The following PPARGC1A variants were observed in gnomAD, a reference collection of about 807,000 sequenced individuals.
The protein encoded by PPARGC1A is peroxisome proliferator-activated receptor gamma coactivator 1-alpha.
Under a neutral mutation model 88.7 loss-of-function variants are expected in PPARGC1A, and 25 were observed. The observed-to-expected ratio is 0.28, with a 90% confidence interval of 0.21 to 0.39. The LOEUF (loss-of-function observed/expected upper bound fraction) is 0.39. Among genes scored for constraint, PPARGC1A ranks in the 10% least tolerant of loss-of-function variants. PPARGC1A has a pLI of 1.00. For missense variants in PPARGC1A, 880 were observed against 968.7 expected, an observed-to-expected ratio of 0.91 and a Z score of 1.22; for synonymous variants, 363 against 355.6, an observed-to-expected ratio of 1.02 and a Z score of -0.24.
chr4:24,359,097 A>G, the PPARGC1A span, among the ~76,000 whole-genome samples: 1 of 152,198 alleles, frequency 6.6e-6, no homozygotes, highest in Admixed American at 6.5e-5. Context: ...CACCGTCTTT[A>G]TTTAGCAATC....
At chr4:24,301,105 T>A in the PPARGC1A span, among the ~76,000 whole-genome samples, 3 of 152,196 alleles carry the variant, frequency 2.0e-5, no homozygotes, top group African/African-American at 7.2e-5. Flanking sequence ...AAATTCAGCA[T>A]GTATAAAGGA....
the PPARGC1A span, among the ~76,000 whole-genome samples, chr4:24,109,561 A>C: frequency 6.6e-6 from 1 of 152,126 alleles, no homozygotes; most frequent in South Asian, 2.1e-4. Flanking sequence ...TTTCATATCT[A>C]TTCATTCCCA....
the PPARGC1A span, chr4:24,258,347 C>T: frequency 6.0e-5 from 14 of 234,108 alleles, no homozygotes; most frequent in South Asian, 9.3e-4. Context: ...TTAAATTATT[C>T]GTCCATTATG....
chr4:24,197,908 C>T, the PPARGC1A span, among the ~76,000 whole-genome samples: 1 of 152,146 alleles, frequency 6.6e-6, no homozygotes, highest in East Asian at 1.9e-4. Context: ...GAAAACATTG[C>T]TAGGTAGGAG....
At chr4:23,832,662 T>G (rs1577436266) in intron 2 of PPARGC1A, among the ~76,000 whole-genome samples, 1 of 149,874 alleles carries the variant, frequency 6.7e-6, no homozygotes, top group South Asian at 2.1e-4. Context: ...CAGACTGGAG[T>G]GCAGTGGCGC....
intron 2 of PPARGC1A, among the ~76,000 whole-genome samples, chr4:23,866,651 C>T (rs1712062023): frequency 6.6e-6 from 1 of 152,162 alleles, no homozygotes; most frequent in Admixed American, 6.5e-5. Flanking sequence ...CTTACAGGAG[C>T]TTACCCTTGA....
the PPARGC1A span, among the ~76,000 whole-genome samples, chr4:24,319,637 T>C: frequency 6.6e-6 from 1 of 152,136 alleles, no homozygotes; most frequent in Non-Finnish European, 1.5e-5. Context: ...CTGTAGACAC[T>C]GTTTTCCCCA....
At chr4:23,832,606 C>CTT (rs370736289) in intron 2 of PPARGC1A, among the ~76,000 whole-genome samples, 3 of 146,572 alleles carry the variant, frequency 2.0e-5, no homozygotes, top group African/African-American at 7.7e-5. Flanking sequence ...TTTTCTTTTT[C>CTT]TTTTTCTTTT....
At chr4:24,291,474 C>A in the PPARGC1A span, among the ~76,000 whole-genome samples, 1 of 151,992 alleles carries the variant, frequency 6.6e-6, no homozygotes, top group Non-Finnish European at 1.5e-5. Context: ...GGGCTCTGTT[C>A]TCTGCCAGGC....
chr4:24,059,235 C>T, the PPARGC1A span, among the ~76,000 whole-genome samples: 302 of 152,242 alleles, frequency 2.0e-3, 2 homozygotes, highest in African/African-American at 6.9e-3. Context: ...TAATGTGATG[C>T]TATGCTGACC....
At chr4:24,217,145 T>A in the PPARGC1A span, among the ~76,000 whole-genome samples, 1 of 152,172 alleles carries the variant, frequency 6.6e-6, no homozygotes, top group Admixed American at 6.5e-5. Flanking sequence ...AGTTTATTTG[T>A]CCCTTAGGTA....
intron 2 of PPARGC1A, among the ~76,000 whole-genome samples, chr4:23,843,604 G>C (rs2148619117): frequency 6.6e-6 from 1 of 152,138 alleles, no homozygotes; most frequent in Non-Finnish European, 1.5e-5. Context: ...GAAGAGATAA[G>C]ACATGAACAA....
rs979231691 is a variant in PPARGC1A, at chr4:23,834,278, C to T, written c.235-2527G>A. On this transcript the variant is annotated intron_variant, in intron 2 of 12. Coordinates refer to ENST00000264867, the MANE Select transcript of PPARGC1A (RefSeq NM_013261.5). ...TCTTGCCACTGCACTCCAGCCTGGG[C>T]GACACAGCGAGACTCTGTCTCAAAA... 4.6e-5 allele frequency among the ~76,000 whole-genome samples: 7 copies of T among 151,314 alleles called. No individual in the cohort carries two copies. In the South Asian group the frequency reaches 6.3e-4, roughly 14 times the overall value.
At chr4:23,831,224 T>G (rs1724943548) in intron 3 of PPARGC1A, among the ~76,000 whole-genome samples, 1 of 152,238 alleles carries the variant, frequency 6.6e-6, no homozygotes, top group South Asian at 2.1e-4. Context: ...AGAGGTTATT[T>G]GAAATCACAG....
At chr4:23,970,567 C>G in the PPARGC1A span, among the ~76,000 whole-genome samples, 1 of 152,134 alleles carries the variant, frequency 6.6e-6, no homozygotes, top group Non-Finnish European at 1.5e-5. Flanking sequence ...TTGGGAAGTG[C>G]TACATAAAGG....
intron 10 of PPARGC1A, among the ~76,000 whole-genome samples, chr4:23,803,786 C>A (rs1434172765): frequency 1.3e-5 from 2 of 152,194 alleles, no homozygotes; most frequent in African/African-American, 4.8e-5. Flanking sequence ...AACTGAGGTA[C>A]AGACTTAGCT....
At chr4:24,292,618 G>T in the PPARGC1A span, among the ~76,000 whole-genome samples, 1 of 79,002 alleles carries the variant, frequency 1.3e-5, no homozygotes, top group African/African-American at 5.2e-5. Context: ...CCTCACCCCT[G>T]CCTGTACTTC....
Position 23,814,548 on chromosome 4 carries a change from G to A in PPARGC1A, c.935C>T (p.Ala312Val). The A allele has an allele frequency of 6.2e-7, 1 of 1,611,316 alleles. No homozygotes were observed. Among genetic ancestry groups the A allele is most frequent in the South Asian group, 1.1e-5 (1 of 90,986 alleles). The change falls in exon 8 of 13, where the codon GCT becomes GTT. Residue 312 changes from alanine (A) to valine (V), a missense_variant. Coordinates refer to ENST00000264867, the MANE Select transcript of PPARGC1A (RefSeq NM_013261.5). The part of the protein sequence containing the change: ...HKANQDNPFR[A>V]SPKLKSSCKT... The stretch of plus-strand genomic sequence containing the variant: ...GCAAGAGGACTTCAGCTTTGGAGAA[G>A]CCCTAAAAGGGTTATCTTGGTTGGC...
the PPARGC1A span, among the ~76,000 whole-genome samples, chr4:23,984,920 T>A: frequency 1.7e-3 from 263 of 152,242 alleles, no homozygotes; most frequent in African/African-American, 6.1e-3. Flanking sequence ...ATTGGGAAGT[T>A]CTTGATGCCT....
Sources: gnomAD v4.1 joint callset for allele counts (sites outside exome capture counted in the v4.1 genomes callset) on GRCh38, gnomAD v4.1.1 for gene constraint, MANE v1.5 for transcripts, NCBI Gene and HGNC (gene_info 2026-07-23, HGNC 2026-07-21) for gene names.